Variants in FBXO34 observed in about 807,000 individuals in gnomAD.
The protein encoded by FBXO34 is F-box only protein 34.
FBXO34 carries 12 observed loss-of-function variants against 24.5 expected under a neutral mutation model. That is an observed-to-expected ratio of 0.49 (90% CI 0.31 to 0.79). The LOEUF (loss-of-function observed/expected upper bound fraction) is 0.79. FBXO34 is among the 30% of genes least tolerant of loss of function. The pLI is 0.04. For missense variants in FBXO34, 823 were observed against 857.7 expected (o/e 0.96, Z 0.51); for synonymous variants, 320 against 311.9 (o/e 1.03, Z -0.27).
At chr14:55,356,851 T>G (rs1279377583), downstream of FBXO34, among the ~76,000 whole-genome samples, 1 of 152,268 alleles carries the variant, frequency 6.6e-6, no homozygotes, top group Admixed American at 6.5e-5. Context: ...TGGGCTCAAG[T>G]GATTCTCCTG....
the FBXO34 span, among the ~76,000 whole-genome samples, chr14:55,431,060 C>T: frequency 9.2e-5 from 14 of 152,334 alleles, no homozygotes; most frequent in Admixed American, 3.9e-4. Flanking sequence ...CTCACCCATA[C>T]TGGTGTTAAC....
chr14:55,399,239 ATATACT>A, the FBXO34 span, among the ~76,000 whole-genome samples: 1 of 152,256 alleles, frequency 6.6e-6, no homozygotes, highest in East Asian at 1.9e-4. Context: ...TGACAGAATT[ATATACT>A]TATAATGTGA....
At position 55,353,228 on chromosome 14, in the gene FBXO34, T is replaced by C. The variant is rs553182049; in HGVS notation, c.*702T>C. ...ATATAATGGACAGCTAACGGAACAA[T>C]ATAATCACCACAATGCAGCTAGGAT... On this transcript the variant is annotated 3_prime_UTR_variant, in exon 2 of 2. Transcript: ENST00000313833. The C allele has an allele frequency of 1.1e-4, 18 of 167,134 alleles. No homozygotes were observed. The highest frequency in any genetic ancestry group is 4.1e-4 in the African/African-American group (17 of 41,576). 10.4% of individuals were successfully genotyped at this position (167,134 alleles called of 1,614,324 possible).
At chr14:55,406,555 G>A in the FBXO34 span, among the ~76,000 whole-genome samples, 6,061 of 152,290 alleles carry the variant, frequency 0.04, 281 homozygotes, top group East Asian at 0.22. Flanking sequence ...TGAGAGCAGA[G>A]ACCTGTCTTT....
At chr14:55,401,989 C>T in the FBXO34 span, among the ~76,000 whole-genome samples, 1 of 152,196 alleles carries the variant, frequency 6.6e-6, no homozygotes, top group South Asian at 2.1e-4. Context: ...ATGCGAGTCT[C>T]ACTTCCACTC....
intron 3 of FBXO34, among the ~76,000 whole-genome samples, chr14:55,360,589 G>GT (rs543128109): frequency 1.1e-4 from 16 of 151,574 alleles, no homozygotes; most frequent in African/African-American, 2.7e-4. Flanking sequence ...GGATTTTTTT[G>GT]TTTTTTTCAC....
intron 1 of FBXO34, among the ~76,000 whole-genome samples, chr14:55,316,629 G>GAGGT (rs1882938235): frequency 6.6e-6 from 1 of 150,412 alleles, no homozygotes; most frequent in Non-Finnish European, 1.5e-5. Flanking sequence ...TCAGGTGGCT[G>GAGGT]AGGTGGGAGG....
intron 1 of FBXO34, among the ~76,000 whole-genome samples, chr14:55,279,238 G>T (rs938476237): frequency 2.0e-4 from 30 of 149,984 alleles, no homozygotes; most frequent in Non-Finnish European, 4.0e-4. Context: ...GTGAGCTGAG[G>T]TCATGCCACT....
intron 1 of FBXO34, among the ~76,000 whole-genome samples, chr14:55,302,463 T>G (rs1008700465): frequency 6.0e-5 from 9 of 150,336 alleles, no homozygotes; most frequent in African/African-American, 1.7e-4. Context: ...GTTTTTTTTT[T>G]TTTTTTTAAT....
chr14:55,370,480 A>G (rs72717733), downstream of FBXO34, among the ~76,000 whole-genome samples: 1,709 of 152,340 alleles, frequency 0.011, 15 homozygotes, highest in Middle Eastern at 0.027. Flanking sequence ...GCAATGTTGT[A>G]TATTTCTGCA....
intron 1 of FBXO34, among the ~76,000 whole-genome samples, chr14:55,295,065 G>A (rs890595904): frequency 2.0e-5 from 3 of 152,162 alleles, no homozygotes; most frequent in African/African-American, 7.2e-5. Context: ...TACTCAAAGT[G>A]GAAAAGCAGA....
the FBXO34 span, among the ~76,000 whole-genome samples, chr14:55,392,741 A>G: frequency 3.3e-5 from 5 of 152,168 alleles, no homozygotes; most frequent in Non-Finnish European, 7.3e-5. Context: ...TAAAAGCTTA[A>G]AACAATGCTC....
the FBXO34 span, chr14:55,394,886 C>T: frequency 2.8e-6 from 1 of 358,036 alleles, no homozygotes; most frequent in Non-Finnish European, 5.4e-6. Flanking sequence ...TCCCACTACT[C>T]AATATCCCAC....
intron 1 of FBXO34, among the ~76,000 whole-genome samples, chr14:55,295,839 T>C (rs1882103017): frequency 6.6e-6 from 1 of 152,264 alleles, no homozygotes; most frequent in Non-Finnish European, 1.5e-5. Flanking sequence ...TTTCCTGTTA[T>C]AGTAAAGAAT....
intron 1 of FBXO34, among the ~76,000 whole-genome samples, chr14:55,277,773 A>G (rs1881393053): frequency 6.6e-6 from 1 of 152,164 alleles, no homozygotes; most frequent in African/African-American, 2.4e-5. Flanking sequence ...TCGTGCCTAC[A>G]TTTTTATTCA....
chr14:55,369,480 G>C (rs1239124788), downstream of FBXO34: 1 of 836,184 alleles, frequency 1.2e-6, no homozygotes, highest in Non-Finnish European at 1.7e-6. Context: ...TTGTCTCCCT[G>C]CTTAAAAAGA....
chr14:55,325,553 G>A (rs764333407), intron 1 of FBXO34, among the ~76,000 whole-genome samples: 5 of 151,912 alleles, frequency 3.3e-5, no homozygotes, highest in Non-Finnish European at 5.9e-5. Flanking sequence ...TCGGCTCATC[G>A]CAACCTCCGC....
chr14:55,438,202 A>T, the FBXO34 span, among the ~76,000 whole-genome samples: 4 of 152,200 alleles, frequency 2.6e-5, no homozygotes, highest in Non-Finnish European at 4.4e-5. Context: ...GCATCTTCTC[A>T]GTGACAATGC....
intron 1 of FBXO34, among the ~76,000 whole-genome samples, chr14:55,310,606 T>G (rs898546518): frequency 1.3e-5 from 2 of 152,246 alleles, no homozygotes; most frequent in African/African-American, 4.8e-5. Flanking sequence ...TAGATTAGGG[T>G]TTCTTCATGC....
Sources: allele counts gnomAD v4.1 joint callset (sites outside exome capture counted in the v4.1 genomes callset), GRCh38; gene constraint gnomAD v4.1.1; transcripts MANE v1.5; gene names NCBI Gene and HGNC (gene_info 2026-07-23, HGNC 2026-07-21).